Variants in ADAMTS17 observed in about 807,000 individuals in gnomAD.
ADAMTS17 encodes the protein A disintegrin and metalloproteinase with thrombospondin motifs 17.
Under a neutral mutation model 141.5 loss-of-function variants are expected in ADAMTS17, and 113 were observed. The ratio of observed to expected loss-of-function variants is 0.80; its 90% CI spans 0.69 to 0.93. The LOEUF is 0.93. Ranked by LOEUF, ADAMTS17 falls within the 40% of genes least tolerant of loss-of-function variation. The pLI, the probability that ADAMTS17 is intolerant of heterozygous loss-of-function variation, is 0.00. For missense variants in ADAMTS17, 1,659 were observed against 1,517.9 expected (o/e 1.09, Z -1.54); for synonymous variants, 768 against 630.6 (o/e 1.22, Z -3.27).
intron 10 of ADAMTS17, among the ~76,000 whole-genome samples, chr15:100,145,947 G>A (rs1257758774): frequency 1.3e-5 from 2 of 152,172 alleles, no homozygotes; most frequent in African/African-American, 4.8e-5. Context: ...CCAAGGCAGG[G>A]GGATCACTTG....
intron 3 of ADAMTS17, among the ~76,000 whole-genome samples, chr15:100,317,697 G>A (rs1450401780): frequency 6.6e-6 from 1 of 152,198 alleles, no homozygotes; most frequent in African/African-American, 2.4e-5. Context: ...CTTGAGGTCA[G>A]CAAAAGAAAT....
chr15:99,991,817 A>G (rs1336433515), intron 20 of ADAMTS17, among the ~76,000 whole-genome samples: 1 of 152,224 alleles, frequency 6.6e-6, no homozygotes, highest in Non-Finnish European at 1.5e-5. Context: ...TGTGGCACAT[A>G]TATACCACGG....
intron 12 of ADAMTS17, among the ~76,000 whole-genome samples, chr15:100,125,110 A>C (rs2037663030): frequency 6.6e-6 from 1 of 152,216 alleles, no homozygotes; most frequent in Admixed American, 6.5e-5. Flanking sequence ...CGCTCAGTAC[A>C]AACCTGGCAG....
At chr15:100,058,941 G>A (rs749950120) in intron 15 of ADAMTS17, among the ~76,000 whole-genome samples, 23 of 152,192 alleles carry the variant, frequency 1.5e-4, no homozygotes, top group African/African-American at 5.3e-4. Context: ...GAGTGCTAGC[G>A]GCAGCCGGTT....
At position 100,131,999 on chromosome 15, in the gene ADAMTS17, G is replaced by C; in HGVS notation, c.1721+8C>G. ...GCACGTTGGGGTATGGCTGGTCAGG[G>C]GACTTACGGGGGGTTGTCACATTTC... On this transcript the variant is annotated splice_region_variant and intron_variant, in intron 12 of 21. Transcript: ENST00000268070. 1 of 1,614,182 alleles carries C rather than the reference G, an allele frequency of 6.2e-7. No homozygotes were observed. Among genetic ancestry groups the C allele is most frequent in the Non-Finnish European group, 8.5e-7 (1 of 1,180,046 alleles).
chr15:100,275,265 GGTC>G (rs2044042137), intron 4 of ADAMTS17, among the ~76,000 whole-genome samples: 1 of 152,198 alleles, frequency 6.6e-6, no homozygotes. Context: ...AAAGCAGATG[GGTC>G]CTGGCCACAC....
chr15:100,060,968 G>T (rs1206185408), intron 15 of ADAMTS17, among the ~76,000 whole-genome samples: 1 of 152,182 alleles, frequency 6.6e-6, no homozygotes, highest in Non-Finnish European at 1.5e-5. Context: ...CTTCAGGCTT[G>T]CCCGAATCCA....
chr15:100,084,679 A>G (rs1171539627), intron 15 of ADAMTS17, among the ~76,000 whole-genome samples: 5 of 152,172 alleles, frequency 3.3e-5, no homozygotes, highest in Non-Finnish European at 7.4e-5. Flanking sequence ...AGCATTTGCA[A>G]TTCACCAATA....
At chr15:100,014,739 T>G (rs192598237) in intron 18 of ADAMTS17, among the ~76,000 whole-genome samples, 1 of 152,354 alleles carries the variant, frequency 6.6e-6, no homozygotes, top group East Asian at 1.9e-4. Context: ...TGATATAATT[T>G]CAATTTTCTT....
intron 15 of ADAMTS17, among the ~76,000 whole-genome samples, chr15:100,079,030 C>G (rs1402595404): frequency 1.3e-5 from 2 of 152,172 alleles, no homozygotes; most frequent in African/African-American, 2.4e-5. Context: ...ACATTGTACC[C>G]ACTAGGATGA....
rs112453523 is a variant in ADAMTS17, at chr15:100,158,751, A to G, written c.1182-3431T>C. 3.3e-3 allele frequency among the ~76,000 whole-genome samples: 499 copies of G among 152,344 alleles called. 2 individuals are homozygous for G. Among genetic ancestry groups the G allele is most frequent in the Middle Eastern group, 6.8e-3 (2 of 294 alleles). On this transcript the variant is annotated intron_variant, in intron 8 of 21. Transcript: ENST00000268070. The stretch of plus-strand genomic sequence containing the variant: ...TAACGGATTAAGTTTTAAAATATAT[A>G]TGAAGCTCCTACAACTCAATAGCAA...
chr15:100,136,442 A>C (rs951666936), intron 10 of ADAMTS17, among the ~76,000 whole-genome samples: 1 of 152,210 alleles, frequency 6.6e-6, no homozygotes, highest in African/African-American at 2.4e-5. Flanking sequence ...ATACATTTTC[A>C]CTACTGAACA....
At chr15:100,023,547 C>A (rs566181005) in intron 18 of ADAMTS17, among the ~76,000 whole-genome samples, 3 of 152,030 alleles carry the variant, frequency 2.0e-5, no homozygotes, top group African/African-American at 7.3e-5. Context: ...TATCCCACTC[C>A]CTGGTGAAAT....
intron 10 of ADAMTS17, among the ~76,000 whole-genome samples, chr15:100,149,793 C>T (rs2039078698): frequency 6.6e-6 from 1 of 152,224 alleles, no homozygotes; most frequent in East Asian, 1.9e-4. Context: ...CTATCTTTTG[C>T]TGAGAAAATT....
intron 4 of ADAMTS17, among the ~76,000 whole-genome samples, chr15:100,270,141 T>C (rs1405066450): frequency 6.6e-6 from 1 of 152,106 alleles, no homozygotes; most frequent in African/African-American, 2.4e-5. Flanking sequence ...GAGCCATTTC[T>C]TCTGTGACTC....
At chr15:100,207,665 G>A (rs906759097) in intron 7 of ADAMTS17, among the ~76,000 whole-genome samples, 2 of 152,170 alleles carry the variant, frequency 1.3e-5, no homozygotes, top group Admixed American at 6.5e-5. Context: ...TGGTGGAGTG[G>A]GGGTGTTCTG....
chr15:100,097,560 C>A (rs1460272071), intron 14 of ADAMTS17, among the ~76,000 whole-genome samples: 4 of 152,236 alleles, frequency 2.6e-5, no homozygotes. Flanking sequence ...TCCCTGGAGG[C>A]AAGTGCCTGG....
chr15:100,325,936 A>C (rs1367259002), intron 3 of ADAMTS17, among the ~76,000 whole-genome samples: 1 of 152,172 alleles, frequency 6.6e-6, no homozygotes, highest in African/African-American at 2.4e-5. Flanking sequence ...AACCCTGTCA[A>C]CGCCTTGATC....
intron 7 of ADAMTS17, among the ~76,000 whole-genome samples, chr15:100,249,925 C>T (rs978075066): frequency 2.6e-5 from 4 of 152,206 alleles, no homozygotes; most frequent in African/African-American, 9.6e-5. Context: ...CCATAAGGAA[C>T]TGGAGGGCTG....
Sources: gnomAD v4.1 joint callset for allele counts (sites outside exome capture counted in the v4.1 genomes callset) on GRCh38, gnomAD v4.1.1 for gene constraint, MANE v1.5 for transcripts, NCBI Gene and HGNC (gene_info 2026-07-23, HGNC 2026-07-21) for gene names.